The following GRM3 variants were observed in gnomAD, a reference collection of about 807,000 sequenced individuals.
The protein encoded by GRM3 is metabotropic glutamate receptor 3.
A neutral mutation model predicts 70.5 loss-of-function variants in GRM3; 26 were observed. The ratio of observed to expected loss-of-function variants is 0.37; its 90% CI spans 0.27 to 0.51. GRM3 has a LOEUF of 0.51. GRM3 is among the 20% of genes least tolerant of loss of function. The pLI, the probability that GRM3 is intolerant of heterozygous loss-of-function variation, is 0.93. For synonymous variants in GRM3, 443 were observed against 434.9 expected (o/e 1.02, Z -0.23); for missense variants, 859 against 1,123.8 (o/e 0.76, Z 3.37).
chr7:86,746,532 G>C (rs1796110169), intron 1 of GRM3, among the ~76,000 whole-genome samples: 1 of 150,938 alleles, frequency 6.6e-6, no homozygotes, highest in Non-Finnish European at 1.5e-5. Context: ...GGATCATTCA[G>C]CTCAACACCT....
At chr7:86,674,391 C>A (rs1584155557) in intron 1 of GRM3, among the ~76,000 whole-genome samples, 1 of 152,068 alleles carries the variant, frequency 6.6e-6, no homozygotes, top group East Asian at 1.9e-4. Context: ...CACATGACTT[C>A]TGTGATCTAG....
chr7:86,769,808 T>C (rs545446590), intron 2 of GRM3, among the ~76,000 whole-genome samples: 1 of 152,270 alleles, frequency 6.6e-6, no homozygotes, highest in East Asian at 1.9e-4. Context: ...AGTATTGATT[T>C]CTTAATTCAG....
intron 1 of GRM3, among the ~76,000 whole-genome samples, chr7:86,742,094 G>A (rs1244129842): frequency 1.3e-5 from 2 of 152,208 alleles, no homozygotes; most frequent in Non-Finnish European, 2.9e-5. Context: ...ATCATCTAAA[G>A]GCTTGTTCAC....
chr7:86,707,066 CA>C (rs746524412), intron 1 of GRM3, among the ~76,000 whole-genome samples: 148 of 152,146 alleles, frequency 9.7e-4, no homozygotes, highest in Middle Eastern at 3.4e-3. Context: ...TAGCTAAAAA[CA>C]GAAGTAATTT....
chr7:86,747,030 A>T (rs1796119306), intron 1 of GRM3, among the ~76,000 whole-genome samples: 1 of 152,086 alleles, frequency 6.6e-6, no homozygotes, highest in African/African-American at 2.4e-5. Flanking sequence ...TCACTTAAAG[A>T]TGTAGACAAG....
In GRM3 at chr7:86,864,486, T is replaced by C; in HGVS notation, c.*131T>C. On this transcript the variant is annotated 3_prime_UTR_variant, in exon 6 of 6. Transcript: ENST00000361669. ...TTTTTAGAAACAGTACGATAAATTA[T>C]TTTTGAGGACTGTATATAGTGATGT... is the stretch of plus-strand genomic sequence containing the variant. 1.4e-6 allele frequency: 1 copy of C among 727,774 alleles called. No individual in the cohort carries two copies. Among genetic ancestry groups the C allele is most frequent in the East Asian group, 2.6e-5 (1 of 39,082 alleles). 45.1% of individuals were successfully genotyped at this position (727,774 alleles called of 1,614,324 possible).
chr7:86,764,152 G>A (rs1398173366), intron 1 of GRM3, among the ~76,000 whole-genome samples: 1 of 152,108 alleles, frequency 6.6e-6, no homozygotes, highest in Non-Finnish European at 1.5e-5. Context: ...TTAACAGGCA[G>A]TTGACCTAAG....
At chr7:86,778,587 C>A (rs963732341) in intron 2 of GRM3, among the ~76,000 whole-genome samples, 1 of 152,112 alleles carries the variant, frequency 6.6e-6, no homozygotes, top group Non-Finnish European at 1.5e-5. Context: ...TTTTCCAGTT[C>A]ACATTCTCTT....
rs185611881 is a variant in GRM3, at chr7:86,660,285, T to G, written c.-141+15413T>G. ...TTCAGAAATGATTGCGAATTAATTGTGCAGTTTAGCTGAACTTTGCCTTTC... is the reference window on the plus strand; with the variant it reads ...TTCAGAAATGATTGCGAATTAATTGGGCAGTTTAGCTGAACTTTGCCTTTC... On this transcript the variant is annotated intron_variant, in intron 1 of 5. Transcript: ENST00000361669. Among the ~76,000 whole-genome samples, 65 of 152,176 alleles carry G rather than the reference T, an allele frequency of 4.3e-4. No individual in the cohort carries two copies. In the East Asian group the frequency reaches 0.011, roughly 25 times the overall value.
intron 2 of GRM3, among the ~76,000 whole-genome samples, chr7:86,783,411 A>G (rs1797129929): frequency 6.6e-6 from 1 of 152,212 alleles, no homozygotes; most frequent in African/African-American, 2.4e-5. Flanking sequence ...ATGGCTATGA[A>G]CAAGTTTCTT....
Position 86,689,906 on chromosome 7 carries a change from A to T in GRM3, c.-141+45034A>T, listed in dbSNP as rs1188967115. ...ATTTTTGCTTATAAATAATTGTAAT[A>T]ATATCATTATGGACTATGCCTTGCA... On this transcript the variant is annotated intron_variant, in intron 1 of 5. Coordinates refer to ENST00000361669, the MANE Select transcript of GRM3 (RefSeq NM_000840.3). 2.6e-5 allele frequency among the ~76,000 whole-genome samples: 4 copies of T among 152,184 alleles called. 1 individual carries two copies. The highest frequency in any genetic ancestry group is 2.6e-4 in the Admixed American group (4 of 15,260).
chr7:86,839,487 C>T lies in GRM3; in HGVS notation c.1973C>T (p.Ala658Val), dbSNP rs2116737578. 1 of 1,610,120 alleles carries T rather than the reference C, an allele frequency of 6.2e-7. No individual in the cohort carries two copies. Among genetic ancestry groups the T allele is most frequent in the African/African-American group, 1.3e-5 (1 of 74,976 alleles). Residue 658 changes from alanine (A) to valine (V), a missense_variant, in exon 4 of 6, where the codon GCC (alanine) becomes GTC (valine). Transcript: ENST00000361669. The surrounding 1 kb of genome is among the most constrained non-coding windows in gnomAD (Gnocchi z 4.5). Reference protein sequence around the residue: ...LGSSFAICYSALLTKTNCIAR... With the variant: ...LGSSFAICYSVLLTKTNCIAR... Reference sequence around the variant, plus strand: ...AGTTCCTTCGCTATCTGTTACTCAGCCCTGCTGACCAAGACAAACTGCATT... The same window carrying T: ...AGTTCCTTCGCTATCTGTTACTCAGTCCTGCTGACCAAGACAAACTGCATT...
At chr7:86,652,944 A>G (rs1029305294) in intron 1 of GRM3, among the ~76,000 whole-genome samples, 5 of 152,212 alleles carry the variant, frequency 3.3e-5, no homozygotes, top group Non-Finnish European at 7.3e-5. Flanking sequence ...CATAGTAAGT[A>G]AACTTCTGAT....
intron 1 of GRM3, among the ~76,000 whole-genome samples, chr7:86,686,399 T>G (rs1481730924): frequency 6.6e-6 from 1 of 152,112 alleles, no homozygotes; most frequent in Non-Finnish European, 1.5e-5. Context: ...GTTCCAAAAT[T>G]TTTCTTGTGT....
chr7:86,749,105 T>A (rs1257210615), intron 1 of GRM3, among the ~76,000 whole-genome samples: 1 of 152,070 alleles, frequency 6.6e-6, no homozygotes, highest in Non-Finnish European at 1.5e-5. Context: ...TAAGGTGATA[T>A]TTCACATGTA....
chr7:86,836,664 C>T (rs958651303), intron 3 of GRM3, among the ~76,000 whole-genome samples: 1 of 152,158 alleles, frequency 6.6e-6, no homozygotes, highest in East Asian at 1.9e-4. Context: ...CAGTAGTTCT[C>T]ACTTTTATGA....
chr7:86,807,236 T>G (rs1300900763), intron 3 of GRM3, among the ~76,000 whole-genome samples: 1 of 66,960 alleles, frequency 1.5e-5, no homozygotes, highest in Non-Finnish European at 2.7e-5. Flanking sequence ...GGCTCTTTTT[T>G]GGTTCCATAT....
At chr7:86,716,884 A>G (rs1278542278) in intron 1 of GRM3, among the ~76,000 whole-genome samples, 1 of 151,888 alleles carries the variant, frequency 6.6e-6, no homozygotes, top group Non-Finnish European at 1.5e-5. Context: ...TGACTATTTC[A>G]GATTTATAGA....
intron 3 of GRM3, among the ~76,000 whole-genome samples, chr7:86,807,546 T>C (rs1351704210): frequency 6.6e-6 from 1 of 151,886 alleles, no homozygotes; most frequent in Non-Finnish European, 1.5e-5. Context: ...GCTCTCTGTT[T>C]GTCTGTTATT....
Sources: allele counts gnomAD v4.1 joint callset (sites outside exome capture counted in the v4.1 genomes callset), GRCh38; gene constraint gnomAD v4.1.1; non-coding constraint Gnocchi (gnomAD v3.1); transcripts MANE v1.5; gene names NCBI Gene and HGNC (gene_info 2026-07-23, HGNC 2026-07-21).